Variants in STXBP5L observed in about 807,000 individuals in gnomAD.
The protein encoded by STXBP5L is syntaxin binding protein 5L, also known as syntaxin-binding protein 5-like.
STXBP5L carries 65 observed loss-of-function variants against 144.5 expected under a neutral mutation model. That is an observed-to-expected ratio of 0.45 (90% CI 0.37 to 0.55). The LOEUF (loss-of-function observed/expected upper bound fraction) is 0.55, where lower values mean the gene tolerates loss of function less well. Ranked by LOEUF, STXBP5L falls within the 20% of genes least tolerant of loss-of-function variation. The pLI is 0.00. For synonymous variants in STXBP5L, 505 were observed against 469.6 expected, an observed-to-expected ratio of 1.08 and a Z score of -0.97; for missense variants, 1,298 against 1,405.5, an observed-to-expected ratio of 0.92 and a Z score of 1.22.
intron 3 of STXBP5L, among the ~76,000 whole-genome samples, chr3:120,989,515 T>C (rs529197900): frequency 1.4e-4 from 21 of 152,316 alleles, no homozygotes; most frequent in Admixed American, 5.2e-4. Context: ...TTTGAATTCC[T>C]TGTAGATTCT....
At position 121,192,055 on chromosome 3, in the gene STXBP5L, C is replaced by T. The variant is rs190036290; in HGVS notation, c.878-13868C>T. Reference sequence around the variant, plus strand: ...GCACATGTATACATATGTAACAAACCTGCACATTGTGCACATGTAGCCTAG... The same window carrying T: ...GCACATGTATACATATGTAACAAACTTGCACATTGTGCACATGTAGCCTAG... On this transcript the variant is annotated intron_variant, in intron 9 of 26. Coordinates refer to ENST00000471454, the MANE Select transcript of STXBP5L (RefSeq NM_001308330.2). 4.6e-3 allele frequency among the ~76,000 whole-genome samples: 699 copies of T among 152,182 alleles called. 9 individuals are homozygous for T. Among genetic ancestry groups the T allele is most frequent in the African/African-American group, 0.016 (649 of 41,494 alleles).
At chr3:121,102,544 A>C (rs1428650544) in intron 5 of STXBP5L, among the ~76,000 whole-genome samples, 1 of 152,004 alleles carries the variant, frequency 6.6e-6, no homozygotes, top group Non-Finnish European at 1.5e-5. Flanking sequence ...ACCATACACA[A>C]AAATTAACTC....
At chr3:121,248,157 G>A (rs1013444104) in intron 14 of STXBP5L, among the ~76,000 whole-genome samples, 2 of 151,906 alleles carry the variant, frequency 1.3e-5, no homozygotes, top group Admixed American at 6.6e-5. Context: ...TCTGTCTCCT[G>A]AGCTCAAGCA....
chr3:121,107,126 G>T (rs1200131364), intron 5 of STXBP5L, among the ~76,000 whole-genome samples: 1 of 150,954 alleles, frequency 6.6e-6, no homozygotes, highest in Non-Finnish European at 1.5e-5. Flanking sequence ...TAAATTCCTT[G>T]TAGATTCTGG....
intron 19 of STXBP5L, among the ~76,000 whole-genome samples, chr3:121,303,484 T>A (rs2052014214): frequency 6.6e-6 from 1 of 152,186 alleles, no homozygotes; most frequent in Non-Finnish European, 1.5e-5. Context: ...TCCTCAGGGA[T>A]CTAGAACTAG....
At chr3:121,078,918 T>C (rs1370524905) in intron 5 of STXBP5L, among the ~76,000 whole-genome samples, 1 of 152,098 alleles carries the variant, frequency 6.6e-6, no homozygotes, top group Non-Finnish European at 1.5e-5. Flanking sequence ...GCAGCCCCAG[T>C]TCCCACTTAT....
intron 20 of STXBP5L, among the ~76,000 whole-genome samples, chr3:121,336,298 A>C (rs760865772): frequency 2.0e-5 from 3 of 152,234 alleles, no homozygotes; most frequent in Non-Finnish European, 2.9e-5. Context: ...ATAGTTTGAG[A>C]CCAGCCTAGG....
At chr3:120,999,789 C>T (rs1943627697) in intron 3 of STXBP5L, among the ~76,000 whole-genome samples, 1 of 152,094 alleles carries the variant, frequency 6.6e-6, no homozygotes, top group Admixed American at 6.6e-5. Context: ...ATTTTCTTAG[C>T]ATTTGCTTGT....
chr3:120,972,962 T>G (rs909005968), intron 3 of STXBP5L, among the ~76,000 whole-genome samples: 5 of 152,148 alleles, frequency 3.3e-5, no homozygotes, highest in African/African-American at 1.2e-4. Flanking sequence ...TGCTGTTGAA[T>G]TTGGTTTGCT....
intron 5 of STXBP5L, among the ~76,000 whole-genome samples, chr3:121,085,746 G>A (rs1401171945): frequency 2.0e-5 from 3 of 152,108 alleles, no homozygotes; most frequent in Admixed American, 1.3e-4. Flanking sequence ...TGGCCATATT[G>A]CCTAAAGCAA....
chr3:120,971,899 T>G (rs1303609180), intron 3 of STXBP5L, among the ~76,000 whole-genome samples: 1 of 152,004 alleles, frequency 6.6e-6, no homozygotes, highest in East Asian at 1.9e-4. Flanking sequence ...TGTATATGAC[T>G]GTTTTTTAAC....
intron 23 of STXBP5L, among the ~76,000 whole-genome samples, chr3:121,411,950 A>G (rs948885829): frequency 2.4e-4 from 37 of 152,224 alleles, no homozygotes; most frequent in Admixed American, 2.2e-3. Context: ...GTGAAGTGCT[A>G]CAAAAAGTGC....
At chr3:121,413,128 T>A (rs748054254) in intron 23 of STXBP5L, 30 bp from the exon 24 acceptor site, 3 of 1,515,836 alleles carry the variant, frequency 2.0e-6, no homozygotes, top group Middle Eastern at 1.8e-4. Flanking sequence ...AACCTGCATA[T>A]GATATATGGA....
chr3:121,103,380 C>A (rs1405544522), intron 5 of STXBP5L, among the ~76,000 whole-genome samples: 1 of 152,130 alleles, frequency 6.6e-6, no homozygotes, highest in Non-Finnish European at 1.5e-5. Flanking sequence ...AAGTCATGTT[C>A]TTTGCAGCTA....
intron 5 of STXBP5L, among the ~76,000 whole-genome samples, chr3:121,052,852 G>T (rs1395063093): frequency 6.6e-6 from 1 of 152,142 alleles, no homozygotes; most frequent in Non-Finnish European, 1.5e-5. Context: ...AAACCCCATT[G>T]TCTCAGCCCA....
rs2047389618 is a variant in STXBP5L at position 121,423,148 on chromosome 3, A to G, written c.*4051A>G. ...GGCTCACACAGGGCAATGCAAAAGAAGTCAAAACATTCATATCAGGTCTTG... is the reference window on the plus strand; with the variant it reads ...GGCTCACACAGGGCAATGCAAAAGAGGTCAAAACATTCATATCAGGTCTTG... On this transcript the variant is annotated 3_prime_UTR_variant, in exon 27 of 27. Coordinates refer to ENST00000471454, the MANE Select transcript of STXBP5L (RefSeq NM_001308330.2). 3 of 152,222 alleles carry G rather than the reference A, an allele frequency of 2.0e-5. No homozygotes were observed. In the South Asian group the frequency reaches 6.2e-4, roughly 32 times the overall value. The allele number at this position is 152,222 out of a possible 1,614,324, so 9.4% of individuals were successfully genotyped here. A position where few individuals can be genotyped will look rare whatever the true frequency, so the allele number is the denominator to read the frequency against.
chr3:121,418,422 T>C lies in STXBP5L; in HGVS notation c.3312T>C (p.Ala1104=). The C allele has an allele frequency of 1.2e-6, 2 of 1,614,042 alleles. No individual in the cohort carries two copies. The highest frequency in any genetic ancestry group is 2.7e-5 in the African/African-American group (2 of 75,052). The part of the protein sequence containing the change: ...GPGSIEGMKG[A]AGGVMGELTR... ...GTAGTATAGAAGGGATGAAAGGCGC[T>C]GCTGGAGGGGTGATGGGAGAGCTGA... is the stretch of plus-strand genomic sequence containing the variant. Residue 1104 remains alanine (A), a synonymous_variant, in exon 26 of 27, where the codon GCT becomes GCC. Transcript: ENST00000471454.
In STXBP5L at chr3:121,064,720, T is replaced by C. The variant is rs560320447; in HGVS notation, c.470+19185T>C. On this transcript the variant is annotated intron_variant, in intron 5 of 26. Coordinates refer to ENST00000471454, the MANE Select transcript of STXBP5L (RefSeq NM_001308330.2). ...ATTTTTTTAGGTTTTGTCTTAAATATTTGATTTTTTAAAAAATGTCAACTC... is the reference window on the plus strand; with the variant it reads ...ATTTTTTTAGGTTTTGTCTTAAATACTTGATTTTTTAAAAAATGTCAACTC... Among the ~76,000 whole-genome samples the C allele has an allele frequency of 7.9e-5, 12 of 152,344 alleles. No homozygotes were observed. The South Asian group carries it at 2.3e-3, about 29-fold the overall frequency.
chr3:121,006,940 C>G (rs1454911819), intron 3 of STXBP5L, among the ~76,000 whole-genome samples: 1 of 152,050 alleles, frequency 6.6e-6, no homozygotes, highest in Non-Finnish European at 1.5e-5. Context: ...GATGGGCTTC[C>G]CTTTGTGGGT....
Sources: allele counts gnomAD v4.1 joint callset (sites outside exome capture counted in the v4.1 genomes callset), GRCh38; gene constraint gnomAD v4.1.1; transcripts MANE v1.5; gene names NCBI Gene and HGNC (gene_info 2026-07-23, HGNC 2026-07-21).